The following FBXW9 variants were observed in gnomAD, a reference collection of about 807,000 sequenced individuals.
FBXW9 encodes the protein F-box/WD repeat-containing protein 9.
A neutral mutation model predicts 55.8 loss-of-function variants in FBXW9; 38 were observed. That is an observed-to-expected ratio of 0.68 (90% CI 0.53 to 0.89). FBXW9 has a LOEUF of 0.89. FBXW9 is among the 40% of genes least tolerant of loss of function. The pLI is 0.00. For synonymous variants in FBXW9, 289 were observed against 278.2 expected, an observed-to-expected ratio of 1.04 and a Z score of -0.38; for missense variants, 590 against 619.4, an observed-to-expected ratio of 0.95 and a Z score of 0.50.
intron 5 of FBXW9, 177 bp from the exon 6 acceptor site, chr19:12,690,287 C>G: frequency 6.0e-6 from 6 of 1,007,912 alleles, no homozygotes; most frequent in Non-Finnish European, 7.4e-6. Flanking sequence ...CAGGCTTCCA[C>G]AGGAGCCCCA....
Position 12,696,377 on chromosome 19 carries a change from A to C in FBXW9, c.205T>G (p.Ser69Ala), listed in dbSNP as rs1599398296. 1 of 1,610,374 alleles carries C rather than the reference A, an allele frequency of 6.2e-7. No individual in the cohort carries two copies. The highest frequency in any genetic ancestry group is 8.5e-7 in the Non-Finnish European group (1 of 1,178,996). ...GGCTCACTTACGGCCGAAACCCTGGACGCGGCCCGAGGCTCCGAAGCGCTC... is the reference window on the plus strand; with the variant it reads ...GGCTCACTTACGGCCGAAACCCTGGCCGCGGCCCGAGGCTCCGAAGCGCTC... Reference protein sequence around the residue: ...SPSASEPRAASRVSAVSEPGL... With the variant: ...SPSASEPRAAARVSAVSEPGL... Residue 69 changes from serine to alanine, a missense_variant, in exon 1 of 10, where the codon TCC (serine) becomes GCC (alanine). Physicochemically the swap from Ser to Ala is moderately conservative, Grantham distance 99. Coordinates refer to ENST00000393261, the MANE Select transcript of FBXW9 (RefSeq NM_032301.3).
Position 12,694,816 on chromosome 19 carries a change from A to G in FBXW9, c.532T>C (p.Ser178Pro), listed in dbSNP as rs765150171. Reference sequence around the variant, plus strand: ...CGTCTCACCTGGAGCAGCAGCACTGAGTCAACGGAAGCCACGTGGCCTTCG... The same window carrying G: ...CGTCTCACCTGGAGCAGCAGCACTGGGTCAACGGAAGCCACGTGGCCTTCG... ...LAEGHVASVDSVLLLQGGSLC... is the reference protein window; with the variant it reads ...LAEGHVASVDPVLLLQGGSLC... The change falls in exon 2 of 10, where the codon TCA (serine) becomes CCA (proline). Residue 178 changes from serine to proline, a missense_variant. By Grantham distance (74) the Ser-to-Pro change is moderately conservative (BLOSUM62 -1). Transcript: ENST00000393261. 5.0e-6 allele frequency: 8 copies of G among 1,614,002 alleles called. No homozygotes were observed. Among genetic ancestry groups the G allele is most frequent in the Middle Eastern group, 1.6e-4 (1 of 6,084 alleles).
Position 12,696,353 on chromosome 19 carries a change from G to C in FBXW9, c.229C>G (p.Pro77Ala), listed in dbSNP as rs775469170. The change falls in exon 1 of 10, where the codon CCG (proline) becomes GCG (alanine). Residue 77 changes from proline to alanine, a missense_variant. Transcript: ENST00000393261. ...TCCGGGGGAAGGCTCAGAAGGCCCG[G>C]CTCACTTACGGCCGAAACCCTGGAC... ...AASRVSAVSE[P>A]GLLSLPPELL... The C allele has an allele frequency of 3.7e-6, 6 of 1,604,038 alleles. No homozygotes were observed. In the Admixed American group the frequency reaches 8.6e-5, roughly 23 times the overall value.
Position 12,689,897 on chromosome 19 carries a change from G to A in FBXW9, c.1033-23C>T. 6.2e-7 allele frequency: 1 copy of A among 1,613,236 alleles called. No homozygotes were observed. On this transcript the variant is annotated intron_variant, in intron 6 of 9. Coordinates refer to ENST00000393261, the MANE Select transcript of FBXW9 (RefSeq NM_032301.3). This position sits in a 1 kb window ranked among gnomAD's most constrained non-coding sequence, Gnocchi z 5.9. ...CAGCTACGAGAGGGACAAGGGACGG[G>A]ACAGCTCAGGCCGGGCTGGGCCTGC...
In FBXW9 at chr19:12,691,397, T is replaced by C; in HGVS notation, c.736A>G (p.Ser246Gly). The stretch of plus-strand genomic sequence containing the variant: ...GCCATGTCCCAGAGCTTCACTGTGC[T>C]GTCCCAGGAGCCGGAGCACACGCGG... Reference protein sequence around the residue: ...DHRVCSGSWDSTVKLWDMAAD... With the variant: ...DHRVCSGSWDGTVKLWDMAAD... The change falls in exon 4 of 10, where the codon AGC becomes GGC. Residue 246 changes from serine (S) to glycine (G), a missense_variant. Coordinates refer to ENST00000393261, the MANE Select transcript of FBXW9 (RefSeq NM_032301.3). The C allele has an allele frequency of 1.2e-6, 2 of 1,611,732 alleles. No individual in the cohort carries two copies. The highest frequency in any genetic ancestry group is 2.2e-5 in the East Asian group (1 of 44,738).
rs1250923340 is a variant in FBXW9, at chr19:12,689,116, C to T, written c.*100G>A. On this transcript the variant is annotated 3_prime_UTR_variant, in exon 10 of 10. Transcript: ENST00000393261. This position sits in a 1 kb window ranked among gnomAD's most constrained non-coding sequence, Gnocchi z 5.9. Reference sequence around the variant, plus strand: ...GGCTGGGACTCCTTGTGCCCTAGGCCCACGGGGCGGAGGCAGCACCAACAT... The same window carrying T: ...GGCTGGGACTCCTTGTGCCCTAGGCTCACGGGGCGGAGGCAGCACCAACAT... 1.0e-6 allele frequency: 1 copy of T among 985,798 alleles called. No individual in the cohort carries two copies. Among genetic ancestry groups the T allele is most frequent in the African/African-American group, 1.6e-5 (1 of 62,918 alleles). 61.1% of individuals were successfully genotyped at this position (985,798 alleles called of 1,614,324 possible).
chr19:12,691,531 GGTA>G lies in FBXW9; in HGVS notation c.679-80_679-78del. The G allele has an allele frequency of 2.3e-6, 3 of 1,295,362 alleles. No homozygotes were observed. The South Asian group carries it at 3.8e-5, about 17-fold the overall frequency. The allele number at this position is 1,295,362 out of a possible 1,614,324, so 80.2% of individuals were successfully genotyped here. ...AGACTGGGATCGTTCTGTTTTTGCAGGTAAGGCTCAGAGAGGTCAAGAGACTCA... is the reference window on the plus strand; with the variant it reads ...AGACTGGGATCGTTCTGTTTTTGCAGAGGCTCAGAGAGGTCAAGAGACTCA... On this transcript the variant is annotated intron_variant, in intron 3 of 9. Coordinates refer to ENST00000393261, the MANE Select transcript of FBXW9 (RefSeq NM_032301.3).
chr19:12,691,659 T>C (rs892505443), intron 3 of FBXW9, among the ~76,000 whole-genome samples: 1 of 152,170 alleles, frequency 6.6e-6, no homozygotes, highest in Non-Finnish European at 1.5e-5. Flanking sequence ...CCCCATTGCA[T>C]AGATGAAACC....
rs540674285 is a variant in FBXW9 at position 12,688,954 on chromosome 19, C to G, written c.*262G>C. 3.1e-6 allele frequency: 2 copies of G among 654,716 alleles called. No homozygotes were observed. The highest frequency in any genetic ancestry group is 3.1e-5 in the South Asian group (2 of 65,124). The allele number at this position is 654,716 out of a possible 1,614,324, so 40.6% of individuals were successfully genotyped here. ...ATGTCAGGTTTATTTCTCCTTCGCTCTCAACTGAGAGCGGGGCATCCAAAT... is the reference window on the plus strand; with the variant it reads ...ATGTCAGGTTTATTTCTCCTTCGCTGTCAACTGAGAGCGGGGCATCCAAAT... On this transcript the variant is annotated 3_prime_UTR_variant, in exon 10 of 10. Transcript: ENST00000393261.
At position 12,696,620 on chromosome 19, in the gene FBXW9, C is replaced by T; in HGVS notation, c.-39G>A. 6.3e-7 allele frequency: 1 copy of T among 1,589,682 alleles called. No homozygotes were observed. The highest frequency in any genetic ancestry group is 1.1e-5 in the South Asian group (1 of 89,394). On this transcript the variant is annotated 5_prime_UTR_variant, in exon 1 of 10. Transcript: ENST00000393261. ...GCGCTGCCGGCCTCGCGTCTTGTCTCCTAGGCAGCACGAGGGCACTTCCGG... is the reference window on the plus strand; with the variant it reads ...GCGCTGCCGGCCTCGCGTCTTGTCTTCTAGGCAGCACGAGGGCACTTCCGG...
chr19:12,696,089 C>T (rs530730164), intron 1 of FBXW9, 84 bp downstream of exon 1: 38 of 1,310,822 alleles, frequency 2.9e-5, no homozygotes, highest in Non-Finnish European at 3.8e-5. Flanking sequence ...GCATCCGGAA[C>T]ACCCCATGTA....
rs753565745 is a variant in FBXW9, at chr19:12,691,269, C to CA, written c.792-13dup. On this transcript the variant is annotated splice_polypyrimidine_tract_variant and intron_variant, in intron 4 of 9. Transcript: ENST00000393261. ...CGGCTGAGCTGGCCCTAGGGACACA[C>CA]AGACCACAGGGCTTTGGCTGTGGCC... 2.5e-6 allele frequency: 4 copies of CA among 1,613,908 alleles called. No individual in the cohort carries two copies. The Admixed American group carries it at 6.7e-5, about 27-fold the overall frequency.
chr19:12,692,521 C>T (rs945924649), intron 3 of FBXW9, among the ~76,000 whole-genome samples: 40 of 144,020 alleles, frequency 2.8e-4, no homozygotes, highest in Admixed American at 2.2e-3. Context: ...CCACTGCATC[C>T]GGTCTTTTTT....
In FBXW9 at chr19:12,696,559, C is replaced by T; in HGVS notation, c.23G>A (p.Cys8Tyr). 6.2e-7 allele frequency: 1 copy of T among 1,611,540 alleles called. No individual in the cohort carries two copies. Among genetic ancestry groups the T allele is most frequent in the Non-Finnish European group, 8.5e-7 (1 of 1,179,974 alleles). ...ATCGTCCCAGGTGCGGGAATCATCGCACCGCCCTAGGGGAAGCTCCATTGC... is the reference window on the plus strand; with the variant it reads ...ATCGTCCCAGGTGCGGGAATCATCGTACCGCCCTAGGGGAAGCTCCATTGC... Reference protein sequence around the residue: MELPLGRCDDSRTWDDDS... With the variant: MELPLGRYDDSRTWDDDS... Residue 8 changes from cysteine to tyrosine, a missense_variant, in exon 1 of 10, where the codon TGC becomes TAC. Physicochemically the swap from Cys to Tyr is radical, Grantham distance 194. Coordinates refer to ENST00000393261, the MANE Select transcript of FBXW9 (RefSeq NM_032301.3).
intron 3 of FBXW9, among the ~76,000 whole-genome samples, chr19:12,693,815 C>T (rs1394964309): frequency 6.7e-6 from 1 of 149,516 alleles, no homozygotes; most frequent in African/African-American, 2.5e-5. Flanking sequence ...CACTTGAATC[C>T]CGGAGGCAGA....
rs781079332 is a variant in FBXW9 at position 12,696,536 on chromosome 19, C to T, written c.46G>A (p.Asp16Asn). The T allele has an allele frequency of 1.9e-6, 3 of 1,612,514 alleles. No homozygotes were observed. In the Admixed American group the frequency reaches 5.0e-5, roughly 27 times the overall value. The part of the protein sequence containing the change: ...GRCDDSRTWD[D>N]DSDPESETDP... ...GTCTCTGACTCTGGGTCCGAGTCAT[C>T]GTCCCAGGTGCGGGAATCATCGCAC... The change falls in exon 1 of 10, where the codon GAT becomes AAT. Residue 16 changes from aspartate to asparagine, a missense_variant. Transcript: ENST00000393261.
Position 12,696,427 on chromosome 19 carries a change from T to G in FBXW9, c.155A>C (p.Gln52Pro). The change falls in exon 1 of 10, where the codon CAG (glutamine) becomes CCG (proline). Residue 52 changes from glutamine to proline, a missense_variant. Gln to Pro is a moderately conservative substitution (Grantham distance 76, BLOSUM62 -1). Coordinates refer to ENST00000393261, the MANE Select transcript of FBXW9 (RefSeq NM_032301.3). ...KSGLAFSRPSQLSTPAASPSA... is the reference protein window; with the variant it reads ...KSGLAFSRPSPLSTPAASPSA... ...CGGGGACGCGGCGGGTGTGGATAGC[T>G]GCGAGGGGCGCGAGAACGCCAGCCC... 1 of 1,611,960 alleles carries G rather than the reference T, an allele frequency of 6.2e-7. No homozygotes were observed. The highest frequency in any genetic ancestry group is 8.5e-7 in the Non-Finnish European group (1 of 1,179,758).
intron 3 of FBXW9, among the ~76,000 whole-genome samples, chr19:12,693,270 C>G (rs2025027949): frequency 6.6e-6 from 1 of 151,672 alleles, no homozygotes; most frequent in African/African-American, 2.4e-5. Context: ...CAGTCATGCT[C>G]AGAGTTGGCT....
chr19:12,690,185 C>T (rs763035114), intron 5 of FBXW9, 75 bp from the exon 6 acceptor site: 47 of 1,602,218 alleles, frequency 2.9e-5, no homozygotes, highest in Middle Eastern at 4.4e-4. Flanking sequence ...GAGAGCATCC[C>T]GGGTCTCCAT....
Sources: allele counts gnomAD v4.1 joint callset (sites outside exome capture counted in the v4.1 genomes callset), GRCh38; gene constraint gnomAD v4.1.1; non-coding constraint Gnocchi (gnomAD v3.1); transcripts MANE v1.5; gene names NCBI Gene and HGNC (gene_info 2026-07-23, HGNC 2026-07-21).